Variants in CUX1 observed in about 807,000 individuals in gnomAD.
The protein encoded by CUX1 is protein CASP.
CUX1 carries 31 observed loss-of-function variants against 158.8 expected under a neutral mutation model. That is an observed-to-expected ratio of 0.20 (90% CI 0.15 to 0.26). CUX1 has a LOEUF of 0.26. Among genes scored for constraint, CUX1 ranks in the 10% least tolerant of loss-of-function variants. The pLI is 1.00. For missense variants in CUX1, 1,589 were observed against 2,014.6 expected (o/e 0.79, Z 4.04); for synonymous variants, 879 against 862.1 (o/e 1.02, Z -0.34).
In CUX1 at chr7:102,248,610, G is replaced by A; in HGVS notation, c.4086G>A (p.Glu1362=). 6.9e-7 allele frequency: 1 copy of A among 1,446,148 alleles called. No individual in the cohort carries two copies. The highest frequency in any genetic ancestry group is 9.1e-7 in the Non-Finnish European group (1 of 1,104,408). The allele number at this position is 1,446,148 out of a possible 1,614,324, so 89.6% of individuals were successfully genotyped here. The change falls in exon 24 of 24, where the codon GAG becomes GAA. Residue 1362 remains glutamate (E), a synonymous_variant. Transcript: ENST00000292535. The surrounding 1 kb of genome is among the most constrained non-coding windows in gnomAD (Gnocchi z 5.8). ...TEEPKSQGEA[E]REEVPRPAEQ... ...AGCCCAAGTCTCAGGGAGAGGCCGAGCGGGAGGAGGTGCCGCGGCCGGCGG... is the reference window on the plus strand; with the variant it reads ...AGCCCAAGTCTCAGGGAGAGGCCGAACGGGAGGAGGTGCCGCGGCCGGCGG...
At chr7:101,880,691 G>A (rs1161426070) in intron 1 of CUX1, among the ~76,000 whole-genome samples, 2 of 152,212 alleles carry the variant, frequency 1.3e-5, no homozygotes, top group Non-Finnish European at 2.9e-5. Flanking sequence ...TATAAAAGCA[G>A]ATTAAATCAT....
At chr7:101,913,818 G>A (rs1803800042) in intron 1 of CUX1, among the ~76,000 whole-genome samples, 1 of 152,178 alleles carries the variant, frequency 6.6e-6, no homozygotes, top group South Asian at 2.1e-4. Flanking sequence ...GCGTCTGTGT[G>A]CGATTGGAAC....
chr7:102,223,974 A>G (rs1798094274), intron 20 of CUX1, among the ~76,000 whole-genome samples: 2 of 152,180 alleles, frequency 1.3e-5, no homozygotes. Context: ...AAAAAAGAGA[A>G]AAAGAAAAGA....
chr7:101,993,914 A>G (rs946757073), intron 2 of CUX1, among the ~76,000 whole-genome samples: 1 of 150,956 alleles, frequency 6.6e-6, no homozygotes, highest in Admixed American at 6.6e-5. Flanking sequence ...CGCTCCTGTT[A>G]CTCTCTCTGT....
intron 1 of CUX1, among the ~76,000 whole-genome samples, chr7:101,856,664 C>G (rs1796862497): frequency 6.6e-6 from 1 of 152,224 alleles, no homozygotes; most frequent in Non-Finnish European, 1.5e-5. Flanking sequence ...AACTCTTCCT[C>G]TAGTTCTGAT....
In CUX1 at chr7:102,252,764, T is replaced by C; in HGVS notation, c.*3722T>C. On this transcript the variant is annotated 3_prime_UTR_variant, in exon 24 of 24. Transcript: ENST00000292535. ...CCCGAGCTCCCTGGTAACCTCCTCTTGAACTTCTGTATCAGTGAAGACATC... is the reference window on the plus strand; with the variant it reads ...CCCGAGCTCCCTGGTAACCTCCTCTCGAACTTCTGTATCAGTGAAGACATC... The C allele has an allele frequency of 3.0e-6, 3 of 985,542 alleles. No homozygotes were observed. Among genetic ancestry groups the C allele is most frequent in the Non-Finnish European group, 3.6e-6 (3 of 830,030 alleles). The allele number at this position is 985,542 out of a possible 1,614,324, so 61.0% of individuals were successfully genotyped here. A position where few individuals can be genotyped will look rare whatever the true frequency, so the allele number is the denominator to read the frequency against.
At chr7:101,888,681 C>T (rs1800522032) in intron 1 of CUX1, among the ~76,000 whole-genome samples, 1 of 152,104 alleles carries the variant, frequency 6.6e-6, no homozygotes, top group South Asian at 2.1e-4. Flanking sequence ...CCCCTGCCTC[C>T]TGGGTTCATG....
chr7:101,842,181 C>A (rs28372974), intron 1 of CUX1, among the ~76,000 whole-genome samples: 2 of 152,070 alleles, frequency 1.3e-5, no homozygotes, highest in South Asian at 2.1e-4. Context: ...TCTTTGGAAT[C>A]TATGAGGTCT....
rs781983444 is a variant in CUX1, at chr7:102,195,652, G to T, written c.1222+49G>T. ...TGTGCGGTGGTTGGTTCGCTTCCAG[G>T]GGTCGGTCGAGGACGAGGAAGGTGA... On this transcript the variant is annotated intron_variant, in intron 14 of 23. Coordinates refer to ENST00000292535, the MANE Select transcript of CUX1 (RefSeq NM_181552.4). The T allele has an allele frequency of 5.3e-6, 8 of 1,520,856 alleles. No homozygotes were observed. In the Admixed American group the frequency reaches 9.7e-5, roughly 18 times the overall value. 94.2% of individuals were successfully genotyped at this position (1,520,856 alleles called of 1,614,324 possible).
chr7:101,983,566 G>A (rs2129221702), intron 2 of CUX1, among the ~76,000 whole-genome samples: 1 of 152,324 alleles, frequency 6.6e-6, no homozygotes, highest in African/African-American at 2.4e-5. Context: ...AGGTTTACTT[G>A]GCCCATGGTT....
At chr7:102,009,984 G>A (rs779671321) in intron 2 of CUX1, among the ~76,000 whole-genome samples, 4 of 152,160 alleles carry the variant, frequency 2.6e-5, no homozygotes, top group Non-Finnish European at 4.4e-5. Flanking sequence ...CACACATGGG[G>A]AGCTTGAAAA....
intron 2 of CUX1, among the ~76,000 whole-genome samples, chr7:101,967,773 C>G (rs1378020505): frequency 6.6e-6 from 1 of 152,222 alleles, no homozygotes; most frequent in Non-Finnish European, 1.5e-5. Flanking sequence ...AATTTCCTCT[C>G]CCCATGTCTG....
intron 4 of CUX1, among the ~76,000 whole-genome samples, chr7:102,094,599 A>G (rs1661204310): frequency 6.6e-6 from 1 of 152,228 alleles, no homozygotes; most frequent in Non-Finnish European, 1.5e-5. Context: ...TGAACTGGAA[A>G]TGTTGACAGA....
chr7:101,890,693 C>A (rs1210233664), intron 1 of CUX1, among the ~76,000 whole-genome samples: 1 of 152,100 alleles, frequency 6.6e-6, no homozygotes, highest in Non-Finnish European at 1.5e-5. Flanking sequence ...TATTTCTACT[C>A]ACTGCTGGGA....
chr7:102,143,270 A>G (rs1834657029), intron 8 of CUX1, among the ~76,000 whole-genome samples: 1 of 151,982 alleles, frequency 6.6e-6, no homozygotes, highest in South Asian at 2.1e-4. Flanking sequence ...TTGGCTAACA[A>G]TCTTTTTCTT....
chr7:101,962,249 A>G (rs973925830), intron 2 of CUX1, among the ~76,000 whole-genome samples: 1 of 152,206 alleles, frequency 6.6e-6, no homozygotes, highest in Non-Finnish European at 1.5e-5. Flanking sequence ...CCTGCAATTC[A>G]TCTTGCCTTA....
At chr7:102,263,624 T>C (rs1211388540) in intron 14 of CUX1, among the ~76,000 whole-genome samples, 1 of 149,690 alleles carries the variant, frequency 6.7e-6, no homozygotes, top group African/African-American at 2.5e-5. Flanking sequence ...CCGAAAGGGG[T>C]TAAAGTTTTA....
intron 4 of CUX1, among the ~76,000 whole-genome samples, chr7:102,076,251 G>A (rs1207216706): frequency 6.6e-6 from 1 of 152,114 alleles, no homozygotes; most frequent in Non-Finnish European, 1.5e-5. Context: ...TGGGCGTGGT[G>A]GTGGGCACCT....
At chr7:102,050,938 C>T (rs990437760) in intron 3 of CUX1, among the ~76,000 whole-genome samples, 1 of 152,106 alleles carries the variant, frequency 6.6e-6, no homozygotes, top group African/African-American at 2.4e-5. Context: ...TTGGCTTTCT[C>T]CCTCTCTTTC....
Sources: allele counts gnomAD v4.1 joint callset (sites outside exome capture counted in the v4.1 genomes callset), GRCh38; gene constraint gnomAD v4.1.1; non-coding constraint Gnocchi (gnomAD v3.1); transcripts MANE v1.5; gene names NCBI Gene and HGNC (gene_info 2026-07-23, HGNC 2026-07-21).